Variants in NTM observed in about 807,000 individuals in gnomAD.
NTM encodes neurotrimin, also known as IgLON family member 2.
A neutral mutation model predicts 42.1 loss-of-function variants in NTM; 13 were observed. The observed-to-expected ratio is 0.31, with a 90% CI of 0.20 to 0.49. The LOEUF (loss-of-function observed/expected upper bound fraction) is 0.49. Ranked by LOEUF, NTM falls within the 20% of genes least tolerant of loss-of-function variation. The pLI is 0.99. For synonymous variants in NTM, 187 were observed against 179.2 expected, an observed-to-expected ratio of 1.04 and a Z score of -0.35; for missense variants, 373 against 452.8, an observed-to-expected ratio of 0.82 and a Z score of 1.60.
At chr11:131,468,631 A>G (rs926965564) in intron 1 of NTM, among the ~76,000 whole-genome samples, 1 of 152,236 alleles carries the variant, frequency 6.6e-6, no homozygotes, top group African/African-American at 2.4e-5. Context: ...GAATCATAAT[A>G]GCTACAAATT....
At chr11:132,024,972 A>G (rs191397672) in intron 2 of NTM, among the ~76,000 whole-genome samples, 147 of 152,260 alleles carry the variant, frequency 9.7e-4, no homozygotes, top group South Asian at 2.5e-3. Context: ...GTGAATTACT[A>G]GTCTCCTTAT....
intron 1 of NTM, among the ~76,000 whole-genome samples, chr11:131,433,806 T>A (rs912618098): frequency 2.0e-5 from 3 of 152,202 alleles, no homozygotes; most frequent in Non-Finnish European, 2.9e-5. Flanking sequence ...ACAGACTTTT[T>A]AAAAAATTAT....
At chr11:131,416,437 C>T (rs760810899) in intron 1 of NTM, among the ~76,000 whole-genome samples, 2 of 152,166 alleles carry the variant, frequency 1.3e-5, no homozygotes, top group African/African-American at 2.4e-5. Flanking sequence ...GTCAAACACA[C>T]GGTTGCCTCT....
chr11:131,484,273 A>G (rs1953921248), intron 1 of NTM, among the ~76,000 whole-genome samples: 1 of 152,252 alleles, frequency 6.6e-6, no homozygotes, highest in South Asian at 2.1e-4. Context: ...GTATTAAAAA[A>G]AGAGAGAGAG....
rs183844549 is a variant in NTM, at chr11:132,118,669, C to T, written c.168-27613C>T. Reference sequence around the variant, plus strand: ...CCAGAAATAGATGAGAGCCCACCAACAAAAGGAATGATGAAGTGGCCCTTT... The same window carrying T: ...CCAGAAATAGATGAGAGCCCACCAATAAAAGGAATGATGAAGTGGCCCTTT... On this transcript the variant is annotated intron_variant, in intron 2 of 8. Transcript: ENST00000683400. Among the ~76,000 whole-genome samples, 59 of 152,292 alleles carry T rather than the reference C, an allele frequency of 3.9e-4. No individual in the cohort carries two copies. The East Asian group carries it at 0.011, about 29-fold the overall frequency.
At chr11:132,026,469 A>G (rs2075190587) in intron 2 of NTM, among the ~76,000 whole-genome samples, 1 of 152,176 alleles carries the variant, frequency 6.6e-6, no homozygotes, top group African/African-American at 2.4e-5. Flanking sequence ...TAGGTTCCAG[A>G]GGTACCCAGA....
chr11:131,738,509 G>A (rs574319492), intron 1 of NTM, among the ~76,000 whole-genome samples: 105 of 152,254 alleles, frequency 6.9e-4, no homozygotes, highest in African/African-American at 2.4e-3. Flanking sequence ...AAAATTTTCC[G>A]GAGTCATGAA....
chr11:131,408,849 G>A (rs80293396), intron 1 of NTM, among the ~76,000 whole-genome samples: 3,786 of 152,290 alleles, frequency 0.025, 56 homozygotes, highest in African/African-American at 0.047. Flanking sequence ...CCACAAACCT[G>A]ACTTTATTGT....
intron 1 of NTM, among the ~76,000 whole-genome samples, chr11:131,642,165 G>C (rs1252800964): frequency 6.6e-6 from 1 of 152,164 alleles, no homozygotes; most frequent in Admixed American, 6.5e-5. Context: ...GGAGCAGTTG[G>C]TCAGGCTGGA....
intron 1 of NTM, among the ~76,000 whole-genome samples, chr11:131,643,312 T>A (rs2134248629): frequency 6.6e-6 from 1 of 152,356 alleles, no homozygotes; most frequent in Middle Eastern, 3.4e-3. Flanking sequence ...TGCTTTGTTC[T>A]GGCCGTGCCA....
chr11:131,622,912 G>A lies in NTM; in HGVS notation c.82+252024G>A, dbSNP rs140646572. 2.6e-4 allele frequency among the ~76,000 whole-genome samples: 40 copies of A among 152,284 alleles called. 1 individual carries two copies. Among genetic ancestry groups the A allele is most frequent in the Middle Eastern group, 3.4e-3 (1 of 294 alleles). On this transcript the variant is annotated intron_variant, in intron 1 of 8. Transcript: ENST00000683400. ...GTCACTAACACACTGGTTGCCTTCC[G>A]TCCAGGTGCTCTCATTGGTACACTA...
chr11:131,876,902 A>G (rs910569584), intron 1 of NTM, among the ~76,000 whole-genome samples: 12 of 150,666 alleles, frequency 8.0e-5, no homozygotes, highest in African/African-American at 2.9e-4. Context: ...TCTGTCACCC[A>G]GGCTGGAGAG....
Position 131,462,240 on chromosome 11 carries a change from G to T in NTM, c.82+91352G>T, listed in dbSNP as rs568982626. Among the ~76,000 whole-genome samples the T allele has an allele frequency of 9.8e-5, 15 of 152,340 alleles. No homozygotes were observed. The East Asian group carries it at 1.9e-3, about 20-fold the overall frequency. On this transcript the variant is annotated intron_variant, in intron 1 of 8. Coordinates refer to ENST00000683400, the MANE Select transcript of NTM (RefSeq NM_001352005.2). ...TGACAGAAAACAGATCGGGTCTGGGGTTGTGGGATGAATTGACTATAAATG... is the reference window on the plus strand; with the variant it reads ...TGACAGAAAACAGATCGGGTCTGGGTTTGTGGGATGAATTGACTATAAATG...
At chr11:132,325,692 A>AT (rs2095664328) in intron 7 of NTM, among the ~76,000 whole-genome samples, 1 of 152,210 alleles carries the variant, frequency 6.6e-6, no homozygotes, top group African/African-American at 2.4e-5. Context: ...ACTATAAATC[A>AT]TGCTGCTATA....
rs576741083 is a variant in NTM at position 131,981,698 on chromosome 11, T to G, written c.167+70050T>G. Among the ~76,000 whole-genome samples the G allele has an allele frequency of 4.6e-5, 7 of 152,254 alleles. No individual in the cohort carries two copies. The South Asian group carries it at 1.5e-3, about 32-fold the overall frequency. ...AGTTCAATTCAGATAACCTTGCATG[T>G]GCTCTTGGGCCCTTGAAAGGAGAGA... On this transcript the variant is annotated intron_variant, in intron 2 of 8. Transcript: ENST00000683400.
intron 1 of NTM, among the ~76,000 whole-genome samples, chr11:131,529,749 CT>C (rs1235963635): frequency 6.6e-6 from 1 of 152,168 alleles, no homozygotes; most frequent in African/African-American, 2.4e-5. Context: ...TGACGCCCAC[CT>C]ACCCTTAGAT....
intron 1 of NTM, among the ~76,000 whole-genome samples, chr11:131,655,015 C>CCT (rs2134385196): frequency 6.6e-6 from 1 of 152,268 alleles, no homozygotes; most frequent in Admixed American, 6.5e-5. Flanking sequence ...CTGGGGCTCG[C>CCT]ACCTGTGTTT....
chr11:132,091,601 C>A (rs2060383526), intron 2 of NTM, among the ~76,000 whole-genome samples: 1 of 151,012 alleles, frequency 6.6e-6, no homozygotes, highest in African/African-American at 2.4e-5. Flanking sequence ...CCACCTCAGC[C>A]TCCCGAGTAG....
chr11:131,613,893 T>TG (rs2061672624), intron 1 of NTM, among the ~76,000 whole-genome samples: 2 of 152,178 alleles, frequency 1.3e-5, no homozygotes, highest in African/African-American at 4.8e-5. Context: ...GGAACCCTGG[T>TG]CTCTGGTTCC....
Sources: allele counts gnomAD v4.1 joint callset (sites outside exome capture counted in the v4.1 genomes callset), GRCh38; gene constraint gnomAD v4.1.1; transcripts MANE v1.5; gene names NCBI Gene and HGNC (gene_info 2026-07-23, HGNC 2026-07-21).